Variants in KIF3B observed in about 807,000 individuals in gnomAD.
KIF3B encodes the protein kinesin-like protein KIF3B.
In KIF3B, 38 loss-of-function variants were observed where a neutral mutation model predicts 74.3. That is an observed-to-expected ratio of 0.51 (90% CI 0.39 to 0.67). The LOEUF (loss-of-function observed/expected upper bound fraction) is 0.67, where lower values mean the gene tolerates loss of function less well. Among genes scored for constraint, KIF3B ranks in the 30% least tolerant of loss-of-function variants. The pLI is 0.00. For missense variants in KIF3B, 649 were observed against 932.0 expected (o/e 0.70, Z 3.95); for synonymous variants, 326 against 342.5 (o/e 0.95, Z 0.53).
chr20:32,322,936 A>ATATATT (rs1322750052), intron 5 of KIF3B, among the ~76,000 whole-genome samples: 10 of 39,864 alleles, frequency 2.5e-4, no homozygotes, highest in Admixed American at 2.3e-3. Flanking sequence ...ATACATATTT[A>ATATATT]TATATATACA....
chr20:32,293,535 A>G (rs1251981063), intron 1 of KIF3B, among the ~76,000 whole-genome samples: 3 of 151,882 alleles, frequency 2.0e-5, no homozygotes, highest in South Asian at 2.1e-4. Context: ...ACCTGAGCCC[A>G]GGAGGTTGAG....
Position 32,310,812 on chromosome 20 carries a change from G to A in KIF3B, c.1035G>A (p.Arg345=). Residue 345 remains arginine (R), a synonymous_variant, in exon 2 of 9, where the codon AGG becomes AGA. Coordinates refer to ENST00000375712, the MANE Select transcript of KIF3B (RefSeq NM_004798.4). This position sits in a 1 kb window ranked among gnomAD's most constrained non-coding sequence, Gnocchi z 6.5. ...NRAKNIKNKP[R]VNEDPKDALL... Reference sequence around the variant, plus strand: ...CCAAAAACATTAAGAACAAACCAAGGGTCAATGAGGACCCCAAGGATGCCC... The same window carrying A: ...CCAAAAACATTAAGAACAAACCAAGAGTCAATGAGGACCCCAAGGATGCCC... 1.9e-6 allele frequency: 3 copies of A among 1,614,096 alleles called. No individual in the cohort carries two copies. Among genetic ancestry groups the A allele is most frequent in the Non-Finnish European group, 2.5e-6 (3 of 1,180,024 alleles).
chr20:32,316,477 CA>C (rs1470427213), intron 3 of KIF3B, 49 bp from the exon 4 acceptor site: 1 of 1,611,006 alleles, frequency 6.2e-7, no homozygotes, highest in South Asian at 1.1e-5. Context: ...GGGAACCCAG[CA>C]TAGACACAGT....
In KIF3B at chr20:32,309,840, C is replaced by T; in HGVS notation, c.63C>T (p.Gly21=). ...TGGTTCGCTGTCGGCCCATGAATGG[C>T]AAGGAAAAGGCTGCTTCGTATGACA... ...RVVVRCRPMN[G]KEKAASYDKV... The change falls in exon 2 of 9, where the codon GGC becomes GGT. Residue 21 remains glycine (G), a synonymous_variant. Transcript: ENST00000375712. 1 of 1,614,042 alleles carries T rather than the reference C, an allele frequency of 6.2e-7. No homozygotes were observed. The highest frequency in any genetic ancestry group is 2.2e-5 in the East Asian group (1 of 44,884).
intron 7 of KIF3B, among the ~76,000 whole-genome samples, chr20:32,329,866 T>C (rs1288788795): frequency 1.3e-5 from 2 of 152,228 alleles, no homozygotes; most frequent in African/African-American, 2.4e-5. Context: ...GAGTCTCTCT[T>C]GGCAGCCAGA....
chr20:32,283,972 G>A (rs940407468), intron 1 of KIF3B, among the ~76,000 whole-genome samples: 5 of 150,822 alleles, frequency 3.3e-5, no homozygotes, highest in African/African-American at 7.3e-5. Context: ...CTGGAGTGCA[G>A]TGGTGCAGTC....
rs1418543510 is a variant in KIF3B at position 32,326,841 on chromosome 20, G to A, written c.1819G>A (p.Glu607Lys). 11 of 1,593,306 alleles carry A rather than the reference G, an allele frequency of 6.9e-6. No homozygotes were observed. Among genetic ancestry groups the A allele is most frequent in the Non-Finnish European group, 8.6e-6 (10 of 1,163,504 alleles). Residue 607 changes from glutamate to lysine, a missense_variant, in exon 6 of 9, where the codon GAA becomes AAA. Glu to Lys is a moderately conservative substitution (Grantham distance 56). Transcript: ENST00000375712. ...SKIMNRAFFD[E>K]EEDHWKLHPI... is the part of the protein sequence containing the mutation. ...AATTATGAATAGAGCCTTCTTTGATGAAGAGGAAGATCATTGGAAACTACA... is the reference window on the plus strand; with the variant it reads ...AATTATGAATAGAGCCTTCTTTGATAAAGAGGAAGATCATTGGAAACTACA...
chr20:32,302,005 A>G (rs2047746452), intron 1 of KIF3B, among the ~76,000 whole-genome samples: 1 of 152,262 alleles, frequency 6.6e-6, no homozygotes, highest in Admixed American at 6.5e-5. Context: ...GGGTGTTAAC[A>G]TTGAATGACA....
intron 1 of KIF3B, among the ~76,000 whole-genome samples, chr20:32,288,738 G>A (rs1386742435): frequency 2.0e-5 from 3 of 152,082 alleles, no homozygotes; most frequent in African/African-American, 4.8e-5. Flanking sequence ...TCACTCTGTC[G>A]CCTCAGCTCA....
intron 5 of KIF3B, among the ~76,000 whole-genome samples, chr20:32,318,257 A>C (rs146293151): frequency 6.6e-6 from 1 of 151,816 alleles, no homozygotes; most frequent in Non-Finnish European, 1.5e-5. Context: ...AGCTGAGATC[A>C]CACCACTTTA....
At chr20:32,290,436 T>C (rs982348751) in intron 1 of KIF3B, among the ~76,000 whole-genome samples, 2 of 151,934 alleles carry the variant, frequency 1.3e-5, no homozygotes, top group Non-Finnish European at 2.9e-5. Context: ...CCCAGGTGTG[T>C]CTGAATCTCT....
intron 8 of KIF3B, 102 bp from the exon 9 acceptor site, chr20:32,331,121 C>A: frequency 4.2e-4 from 324 of 769,822 alleles, no homozygotes; most frequent in Middle Eastern, 9.8e-4. Flanking sequence ...TTGTCGTTTT[C>A]AGGCCATTGA....
intron 1 of KIF3B, among the ~76,000 whole-genome samples, chr20:32,285,910 G>A (rs1479945668): frequency 3.3e-5 from 5 of 152,182 alleles, no homozygotes; most frequent in African/African-American, 7.2e-5. Context: ...TTAAGGTTCA[G>A]TTAATCATGG....
At chr20:32,327,304 G>A (rs575536788) in intron 6 of KIF3B, among the ~76,000 whole-genome samples, 5 of 152,138 alleles carry the variant, frequency 3.3e-5, no homozygotes, top group Non-Finnish European at 5.9e-5. Context: ...ATGCAGAGGT[G>A]GGGGGTGTTG....
At chr20:32,312,715 G>A (rs1414077698) in intron 2 of KIF3B, among the ~76,000 whole-genome samples, 3 of 152,214 alleles carry the variant, frequency 2.0e-5, no homozygotes, top group African/African-American at 7.2e-5. Context: ...TGGTGTATGG[G>A]TTGTTTCCAG....
intron 5 of KIF3B, among the ~76,000 whole-genome samples, chr20:32,321,324 G>T (rs2047858500): frequency 6.6e-6 from 1 of 151,858 alleles, no homozygotes; most frequent in Non-Finnish European, 1.5e-5. Context: ...AGCTACTCAG[G>T]AGGCTGAGGC....
intron 1 of KIF3B, among the ~76,000 whole-genome samples, chr20:32,281,950 A>G (rs1212393007): frequency 6.6e-6 from 1 of 152,084 alleles, no homozygotes; most frequent in Non-Finnish European, 1.5e-5. Flanking sequence ...AGGTGGGTGG[A>G]TGTAGGGGAT....
intron 5 of KIF3B, among the ~76,000 whole-genome samples, chr20:32,318,652 A>G (rs1282850423): frequency 1.3e-5 from 2 of 152,348 alleles, no homozygotes; most frequent in South Asian, 2.1e-4. Context: ...TGGTAGTCCC[A>G]ACATCAATTG....
At chr20:32,330,982 G>A (rs2047926973) in intron 8 of KIF3B, among the ~76,000 whole-genome samples, 1 of 152,168 alleles carries the variant, frequency 6.6e-6, no homozygotes, top group Non-Finnish European at 1.5e-5. Context: ...GTCAAGCTTT[G>A]GTTTTAAAGA....
Sources: allele counts gnomAD v4.1 joint callset (sites outside exome capture counted in the v4.1 genomes callset), GRCh38; gene constraint gnomAD v4.1.1; non-coding constraint Gnocchi (gnomAD v3.1); transcripts MANE v1.5; gene names NCBI Gene and HGNC (gene_info 2026-07-23, HGNC 2026-07-21).